The following MACROD2 variants were observed in gnomAD, a reference collection of about 807,000 sequenced individuals.
MACROD2 encodes mono-ADP ribosylhydrolase 2.
MACROD2 carries 36 observed loss-of-function variants against 70.4 expected under a neutral mutation model. The observed-to-expected ratio is 0.51, with a 90% CI of 0.39 to 0.68. MACROD2 has a LOEUF of 0.68. MACROD2 is among the 30% of genes least tolerant of loss of function. The probability of loss-of-function intolerance (pLI) is 0.00; values close to 1 mark genes in which losing one functional copy is unlikely to be tolerated. For synonymous variants in MACROD2, 172 were observed against 178.8 expected (o/e 0.96, Z 0.30); for missense variants, 496 against 538.4 (o/e 0.92, Z 0.78).
intron 15 of MACROD2, among the ~76,000 whole-genome samples, chr20:16,024,128 C>T (rs1213664812): frequency 3.3e-5 from 5 of 152,044 alleles, no homozygotes; most frequent in Non-Finnish European, 7.4e-5. Flanking sequence ...AAAAAATGTC[C>T]CCTTAATAAT....
At chr20:15,541,904 G>A (rs1242535555) in intron 8 of MACROD2, among the ~76,000 whole-genome samples, 2 of 152,184 alleles carry the variant, frequency 1.3e-5, no homozygotes, top group African/African-American at 2.4e-5. Flanking sequence ...ACATGGGAAT[G>A]TTATGGTTGC....
At chr20:15,843,774 G>A (rs866594635) in intron 8 of MACROD2, among the ~76,000 whole-genome samples, 19 of 152,126 alleles carry the variant, frequency 1.2e-4, no homozygotes, top group African/African-American at 4.3e-4. Context: ...CAACTGAGAG[G>A]AAAGTCCAAC....
At chr20:16,048,266 TGAGAACGTTAA>T (rs2067410998) in intron 17 of MACROD2, among the ~76,000 whole-genome samples, 1 of 152,100 alleles carries the variant, frequency 6.6e-6, no homozygotes. Context: ...ATTAGCACTA[TGAGAACGTTAA>T]GAGAGTAGGA....
intron 2 of MACROD2, among the ~76,000 whole-genome samples, chr20:14,057,609 C>T (rs1244162951): frequency 6.6e-6 from 1 of 152,160 alleles, no homozygotes; most frequent in Non-Finnish European, 1.5e-5. Flanking sequence ...GTAAAAATCA[C>T]TTCTGAAAAC....
intron 5 of MACROD2, among the ~76,000 whole-genome samples, chr20:15,143,928 A>G (rs2076210751): frequency 6.9e-6 from 1 of 144,394 alleles, no homozygotes; most frequent in African/African-American, 2.6e-5. Context: ...CCCTAACACT[A>G]ACGATCGCTG....
chr20:14,721,861 C>T (rs1164397037), intron 5 of MACROD2, among the ~76,000 whole-genome samples: 1 of 152,178 alleles, frequency 6.6e-6, no homozygotes, highest in African/African-American at 2.4e-5. Flanking sequence ...CATTCAGCTG[C>T]TCTAACCATG....
intron 7 of MACROD2, among the ~76,000 whole-genome samples, chr20:15,438,773 C>T (rs1294741038): frequency 6.6e-6 from 1 of 152,154 alleles, no homozygotes; most frequent in Non-Finnish European, 1.5e-5. Flanking sequence ...ACACCCAGTG[C>T]CTAGCAAAGC....
intron 6 of MACROD2, among the ~76,000 whole-genome samples, chr20:15,402,575 C>G (rs559396190): frequency 6.6e-6 from 1 of 152,184 alleles, no homozygotes; most frequent in South Asian, 2.1e-4. Context: ...TCAAAAGGCT[C>G]CAAAATGGAA....
intron 6 of MACROD2, among the ~76,000 whole-genome samples, chr20:15,308,483 A>G (rs975960170): frequency 6.6e-6 from 1 of 152,200 alleles, no homozygotes; most frequent in Non-Finnish European, 1.5e-5. Context: ...TATAAGAAAG[A>G]TATAGTTCTT....
chr20:14,024,183 A>G (rs1412909895), intron 2 of MACROD2, among the ~76,000 whole-genome samples: 1 of 151,628 alleles, frequency 6.6e-6, no homozygotes, highest in Non-Finnish European at 1.5e-5. Flanking sequence ...AAGTTCACTC[A>G]TGATTTGGCT....
At chr20:15,616,351 G>C (rs192398682) in intron 8 of MACROD2, among the ~76,000 whole-genome samples, 3 of 151,922 alleles carry the variant, frequency 2.0e-5, no homozygotes, top group Non-Finnish European at 2.9e-5. Context: ...TGATCCACCC[G>C]CCTCGGCCTC....
intron 8 of MACROD2, among the ~76,000 whole-genome samples, chr20:15,554,169 G>A (rs1388015436): frequency 6.6e-6 from 1 of 152,204 alleles, no homozygotes; most frequent in East Asian, 1.9e-4. Flanking sequence ...TTTGGTATGA[G>A]AAGTGGCATA....
In MACROD2 at chr20:14,326,888, C is replaced by G; in HGVS notation, c.272-166591C>G. On this transcript the variant is annotated intron_variant, in intron 3 of 17. Transcript: ENST00000684519. This position sits in a 1 kb window ranked among gnomAD's most constrained non-coding sequence, Gnocchi z 5.5. ...CCATGATTGTTCAACAGGTTTCCATCTAGAACCAGGCGTTTTAGACTAGTG... is the reference window on the plus strand; with the variant it reads ...CCATGATTGTTCAACAGGTTTCCATGTAGAACCAGGCGTTTTAGACTAGTG... 6.2e-7 allele frequency: 1 copy of G among 1,613,756 alleles called. No individual in the cohort carries two copies. Among genetic ancestry groups the G allele is most frequent in the Non-Finnish European group, 8.5e-7 (1 of 1,179,816 alleles).
intron 2 of MACROD2, among the ~76,000 whole-genome samples, chr20:14,045,771 G>C (rs2053464124): frequency 6.6e-6 from 1 of 152,282 alleles, no homozygotes; most frequent in Admixed American, 6.5e-5. Flanking sequence ...AATTAAAAGG[G>C]AGGGGGGAAT....
intron 5 of MACROD2, among the ~76,000 whole-genome samples, chr20:15,220,287 G>C (rs947317287): frequency 6.6e-6 from 1 of 151,876 alleles, no homozygotes; most frequent in Non-Finnish European, 1.5e-5. Flanking sequence ...TGATTATATC[G>C]GGCCAACTTT....
chr20:15,357,283 T>C (rs1314156322), intron 6 of MACROD2, among the ~76,000 whole-genome samples: 1 of 152,192 alleles, frequency 6.6e-6, no homozygotes, highest in Non-Finnish European at 1.5e-5. Context: ...TTCAATTATT[T>C]CTTTTTTTCT....
intron 8 of MACROD2, among the ~76,000 whole-genome samples, chr20:15,718,020 T>C (rs1031978333): frequency 2.6e-4 from 25 of 95,258 alleles, no homozygotes; most frequent in Admixed American, 8.4e-4. Context: ...TTTTCTCTCT[T>C]TTTTTTTTTT....
chr20:15,066,098 CAA>C (rs967583588), intron 5 of MACROD2, among the ~76,000 whole-genome samples: 5 of 150,514 alleles, frequency 3.3e-5, no homozygotes, highest in African/African-American at 1.2e-4. Context: ...AAAGTGAAAA[CAA>C]GAGCTGCTTT....
At chr20:14,872,603 G>T (rs1777283301) in intron 5 of MACROD2, among the ~76,000 whole-genome samples, 2 of 151,886 alleles carry the variant, frequency 1.3e-5, no homozygotes, top group Non-Finnish European at 2.9e-5. Context: ...GTAAAATGAG[G>T]GTAAGTGCAT....
Sources: allele counts gnomAD v4.1 joint callset (sites outside exome capture counted in the v4.1 genomes callset), GRCh38; gene constraint gnomAD v4.1.1; non-coding constraint Gnocchi (gnomAD v3.1); transcripts MANE v1.5; gene names NCBI Gene and HGNC (gene_info 2026-07-23, HGNC 2026-07-21).